APBB2: variants seen among roughly 807,000 people sequenced by gnomAD.
APBB2 encodes Fe65-like 1.
In APBB2, 38 loss-of-function variants were observed where a neutral mutation model predicts 82.5. That is an observed-to-expected ratio of 0.46 (90% confidence interval 0.36 to 0.60). APBB2 has a LOEUF of 0.60. APBB2 is among the 20% of genes least tolerant of loss of function. APBB2 has a pLI of 0.00. For missense variants in APBB2, 772 were observed against 972.3 expected, an observed-to-expected ratio of 0.79 and a Z score of 2.74; for synonymous variants, 341 against 368.2, an observed-to-expected ratio of 0.93 and a Z score of 0.85.
At chr4:40,840,252 C>T (rs554847110) in intron 12 of APBB2, among the ~76,000 whole-genome samples, 5 of 152,262 alleles carry the variant, frequency 3.3e-5, no homozygotes, top group Admixed American at 6.5e-5. Flanking sequence ...CATGAGAACA[C>T]GGTGTAATTA....
intron 3 of APBB2, among the ~76,000 whole-genome samples, chr4:41,078,334 C>T (rs1212513701): frequency 6.6e-6 from 1 of 151,976 alleles, no homozygotes. Flanking sequence ...AATGCAAATC[C>T]GTGGGCAAGA....
chr4:41,179,295 G>C (rs903688853), intron 1 of APBB2, among the ~76,000 whole-genome samples: 1 of 152,186 alleles, frequency 6.6e-6, no homozygotes, highest in African/African-American at 2.4e-5. Context: ...CACAGCCTGA[G>C]ATGTCCGAGT....
intron 6 of APBB2, among the ~76,000 whole-genome samples, chr4:40,982,257 A>G (rs866685253): frequency 0.013 from 243 of 19,360 alleles, 22 homozygotes; most frequent in Middle Eastern, 0.025. Flanking sequence ...AAAGAAAGAA[A>G]GAAAGAAAGA....
At chr4:41,109,268 C>T (rs1748315344) in intron 2 of APBB2, among the ~76,000 whole-genome samples, 1 of 150,400 alleles carries the variant, frequency 6.6e-6, no homozygotes, top group African/African-American at 2.4e-5. Context: ...TATCTCTCTA[C>T]ACTAAAAAAA....
At chr4:40,869,346 C>G (rs925362892) in intron 12 of APBB2, among the ~76,000 whole-genome samples, 2 of 152,056 alleles carry the variant, frequency 1.3e-5, no homozygotes, top group Non-Finnish European at 2.9e-5. Flanking sequence ...CTTTGGGAGG[C>G]TGAGTGAGGT....
intron 17 of APBB2, among the ~76,000 whole-genome samples, chr4:40,818,333 T>C (rs62303774): frequency 0.11 from 16,644 of 152,032 alleles, 1,190 homozygotes; most frequent in Non-Finnish European, 0.16. Context: ...ACAATTAAAA[T>C]AGGAAGCAAA....
At position 40,824,443 on chromosome 4, in the gene APBB2, T is replaced by G. The variant is rs1441453361; in HGVS notation, c.1817-684A>C. On this transcript the variant is annotated intron_variant, in intron 15 of 17. Transcript: ENST00000508593. The stretch of plus-strand genomic sequence containing the variant: ...ACATGCAATTCACTCACGTAAAGTG[T>G]GCAATCCAGTGGATTTTAGTACATT... 2.6e-5 allele frequency among the ~76,000 whole-genome samples: 4 copies of G among 152,294 alleles called. No individual in the cohort carries two copies. The South Asian group carries it at 8.3e-4, about 32-fold the overall frequency.
intron 6 of APBB2, among the ~76,000 whole-genome samples, chr4:41,006,791 A>G (rs1306681933): frequency 3.9e-5 from 6 of 152,204 alleles, no homozygotes; most frequent in African/African-American, 1.4e-4. Context: ...GTAAGAAAAA[A>G]GGGGGAAAAA....
At chr4:41,194,965 A>G in intron 1 of APBB2, among the ~76,000 whole-genome samples, 1 of 152,172 alleles carries the variant, frequency 6.6e-6, no homozygotes, top group African/African-American at 2.4e-5. Context: ...CCAGCAGATC[A>G]TACCTCTCCC....
intron 6 of APBB2, among the ~76,000 whole-genome samples, chr4:40,952,185 C>CAAAAAA (rs61159163): frequency 9.0e-6 from 1 of 111,186 alleles, no homozygotes; most frequent in Admixed American, 9.0e-5. Context: ...GACTCTGTCT[C>CAAAAAA]AAAAAAAAAA....
At chr4:40,819,203 T>C (rs949703933) in intron 17 of APBB2, among the ~76,000 whole-genome samples, 10 of 145,120 alleles carry the variant, frequency 6.9e-5, no homozygotes, top group African/African-American at 2.1e-4. Context: ...TTTTTTTTTT[T>C]GAGACAGGGT....
At chr4:41,136,663 G>A (rs139835017) in intron 2 of APBB2, among the ~76,000 whole-genome samples, 2 of 152,180 alleles carry the variant, frequency 1.3e-5, no homozygotes, top group African/African-American at 4.8e-5. Flanking sequence ...ACCTACTAAC[G>A]GCACTGCAGA....
chr4:40,883,493 A>T (rs1314187178), intron 12 of APBB2, among the ~76,000 whole-genome samples: 1 of 152,168 alleles, frequency 6.6e-6, no homozygotes, highest in Admixed American at 6.5e-5. Flanking sequence ...AGGCTGAGGC[A>T]GGAGAATTGC....
chr4:41,072,701 G>A (rs550941609), intron 3 of APBB2, among the ~76,000 whole-genome samples: 33 of 152,266 alleles, frequency 2.2e-4, no homozygotes, highest in Non-Finnish European at 3.4e-4. Flanking sequence ...CCTGCCCGGA[G>A]CGTGTTATTT....
chr4:40,922,396 TG>T (rs1781484238), intron 10 of APBB2, among the ~76,000 whole-genome samples: 2 of 152,360 alleles, frequency 1.3e-5, no homozygotes, highest in African/African-American at 4.8e-5. Flanking sequence ...TGTTGAGAGC[TG>T]CCACTCTTGG....
intron 2 of APBB2, among the ~76,000 whole-genome samples, chr4:41,141,578 T>C (rs936472497): frequency 6.6e-6 from 1 of 152,196 alleles, no homozygotes; most frequent in East Asian, 1.9e-4. Flanking sequence ...GCAATAAGAA[T>C]ACTATGGCCC....
intron 1 of APBB2, among the ~76,000 whole-genome samples, chr4:41,192,036 A>G (rs1032129418): frequency 6.6e-6 from 1 of 152,256 alleles, no homozygotes; most frequent in East Asian, 1.9e-4. Context: ...AAGAAACTCA[A>G]CATCAATTAA....
At chr4:40,821,013 G>C (rs536358379) in intron 17 of APBB2, among the ~76,000 whole-genome samples, 22 of 152,106 alleles carry the variant, frequency 1.4e-4, no homozygotes, top group African/African-American at 5.1e-4. Context: ...GGATTACAGG[G>C]ATGCGCCACC....
intron 10 of APBB2, among the ~76,000 whole-genome samples, chr4:40,917,406 T>C (rs888067007): frequency 2.6e-5 from 4 of 152,086 alleles, no homozygotes; most frequent in African/African-American, 9.7e-5. Flanking sequence ...TGGGGTCCTC[T>C]GTCCACAGTA....
Sources: gnomAD v4.1 joint callset for allele counts (sites outside exome capture counted in the v4.1 genomes callset) on GRCh38, gnomAD v4.1.1 for gene constraint, MANE v1.5 for transcripts, NCBI Gene and HGNC (gene_info 2026-07-23, HGNC 2026-07-21) for gene names.